DLGAP2: variants seen among roughly 807,000 people sequenced by gnomAD.
DLGAP2 encodes disks large-associated protein 2.
In DLGAP2, 26 loss-of-function variants were observed where a neutral mutation model predicts 100.3. That is an observed-to-expected ratio of 0.26 (90% confidence interval 0.19 to 0.36). The LOEUF (loss-of-function observed/expected upper bound fraction) is 0.36, where lower values mean the gene tolerates loss of function less well. DLGAP2 is among the 10% of genes least tolerant of loss of function. The pLI, the probability that DLGAP2 is intolerant of heterozygous loss-of-function variation, is 1.00. For synonymous variants in DLGAP2, 886 were observed against 630.1 expected (o/e 1.41, Z -6.08); for missense variants, 1,858 against 1,453.2 (o/e 1.28, Z -4.53).
At chr8:798,844 C>G (rs1287832704) in intron 1 of DLGAP2, among the ~76,000 whole-genome samples, 1 of 150,634 alleles carries the variant, frequency 6.6e-6, no homozygotes, top group African/African-American at 2.4e-5. Context: ...AAAGCAAACG[C>G]TTGTTGAGTC....
chr8:1,169,931 T>C (rs1024320139), intron 2 of DLGAP2, among the ~76,000 whole-genome samples: 21 of 151,572 alleles, frequency 1.4e-4, no homozygotes, highest in African/African-American at 4.1e-4. Context: ...TGAATAGGAG[T>C]GGTGAGAGAG....
At chr8:1,167,091 G>T (rs1317110257) in intron 2 of DLGAP2, among the ~76,000 whole-genome samples, 1 of 152,040 alleles carries the variant, frequency 6.6e-6, no homozygotes, top group Non-Finnish European at 1.5e-5. Flanking sequence ...AGCTGTGATT[G>T]TATCACTGTA....
At chr8:961,901 C>T (rs896092267) in intron 2 of DLGAP2, among the ~76,000 whole-genome samples, 1 of 152,192 alleles carries the variant, frequency 6.6e-6, no homozygotes, top group Non-Finnish European at 1.5e-5. Flanking sequence ...ACCTTTTGAT[C>T]ACCATGTGGA....
At chr8:1,364,067 C>T (rs1030994236) in intron 3 of DLGAP2, among the ~76,000 whole-genome samples, 6 of 152,318 alleles carry the variant, frequency 3.9e-5, no homozygotes, top group Non-Finnish European at 5.9e-5. Context: ...TCACTCCTGC[C>T]GCCTTCAGGT....
Position 1,207,761 on chromosome 8 carries a change from C to T in DLGAP2, c.74-51090C>T, listed in dbSNP as rs138255800. Reference sequence around the variant, plus strand: ...TATTTTTTAATTATGATCATTGTTGCAGGAGTGAGGTGGTGTCACACTGTG... The same window carrying T: ...TATTTTTTAATTATGATCATTGTTGTAGGAGTGAGGTGGTGTCACACTGTG... On this transcript the variant is annotated intron_variant, in intron 2 of 14. Transcript: ENST00000637795. Among the ~76,000 whole-genome samples, 62 of 152,278 alleles carry T rather than the reference C, an allele frequency of 4.1e-4. 1 individual carries two copies. The East Asian group carries it at 0.011, about 26-fold the overall frequency.
At chr8:1,232,927 A>G (rs1798567820) in intron 2 of DLGAP2, among the ~76,000 whole-genome samples, 1 of 152,126 alleles carries the variant, frequency 6.6e-6, no homozygotes, top group African/African-American at 2.4e-5. Flanking sequence ...AACCACTCCC[A>G]TTCTAGGCCC....
chr8:1,636,697 G>A lies in DLGAP2; in HGVS notation c.1810+3651G>A, dbSNP rs150050077. On this transcript the variant is annotated intron_variant, in intron 8 of 14. Transcript: ENST00000637795. Reference sequence around the variant, plus strand: ...GTGTGAGCCTGGGGAAATTTTCATCGTGGACTAAACTTGTTGCCTCAACCT... The same window carrying A: ...GTGTGAGCCTGGGGAAATTTTCATCATGGACTAAACTTGTTGCCTCAACCT... 7.2e-5 allele frequency among the ~76,000 whole-genome samples: 11 copies of A among 152,292 alleles called. No homozygotes were observed. In the East Asian group the frequency reaches 1.7e-3, roughly 24 times the overall value.
At chr8:1,483,467 G>T (rs1284848772) in intron 3 of DLGAP2, among the ~76,000 whole-genome samples, 1 of 147,728 alleles carries the variant, frequency 6.8e-6, no homozygotes, top group Admixed American at 6.6e-5. Flanking sequence ...GGACCTGAGG[G>T]CGTCTCCACA....
At chr8:799,664 A>G (rs1238392672) in intron 1 of DLGAP2, among the ~76,000 whole-genome samples, 1 of 152,162 alleles carries the variant, frequency 6.6e-6, no homozygotes, top group Non-Finnish European at 1.5e-5. Flanking sequence ...TGGTGCAAAC[A>G]CAGCTCACTG....
At chr8:1,078,900 A>T (rs1289620345) in intron 2 of DLGAP2, among the ~76,000 whole-genome samples, 1 of 152,206 alleles carries the variant, frequency 6.6e-6, no homozygotes, top group African/African-American at 2.4e-5. Context: ...GATGTTTTCA[A>T]CTCATCCAGG....
chr8:1,365,892 G>T (rs78915991), intron 3 of DLGAP2, among the ~76,000 whole-genome samples: 2 of 152,198 alleles, frequency 1.3e-5, no homozygotes, highest in Non-Finnish European at 2.9e-5. Context: ...ATAAACATCT[G>T]CCCAGGAGGA....
intron 6 of DLGAP2, among the ~76,000 whole-genome samples, chr8:1,589,804 T>C (rs1016572532): frequency 6.6e-6 from 1 of 152,176 alleles, no homozygotes; most frequent in Non-Finnish European, 1.5e-5. Flanking sequence ...TCCCTTGCCT[T>C]GATGGAGGGT....
intron 2 of DLGAP2, among the ~76,000 whole-genome samples, chr8:1,206,316 G>C (rs1242449914): frequency 7.4e-6 from 1 of 134,388 alleles, no homozygotes; most frequent in African/African-American, 2.9e-5. Flanking sequence ...CCAGGCATCC[G>C]TGGACTGGGG....
At chr8:1,171,848 C>G (rs1466100679) in intron 2 of DLGAP2, among the ~76,000 whole-genome samples, 1 of 152,138 alleles carries the variant, frequency 6.6e-6, no homozygotes, top group African/African-American at 2.4e-5. Flanking sequence ...ATTTGCCAGT[C>G]TGTGTCTTTT....
At chr8:1,191,428 C>T (rs976752422) in intron 2 of DLGAP2, among the ~76,000 whole-genome samples, 6 of 152,160 alleles carry the variant, frequency 3.9e-5, no homozygotes, top group African/African-American at 1.2e-4. Context: ...CCTCAGCCTC[C>T]CAAAGTGCGG....
chr8:1,110,313 G>C (rs1380538502), intron 2 of DLGAP2, among the ~76,000 whole-genome samples: 4 of 147,904 alleles, frequency 2.7e-5, no homozygotes, highest in Non-Finnish European at 6.0e-5. Flanking sequence ...ACATGTGCTG[G>C]GTCTGTGAGG....
At chr8:1,387,127 G>A (rs955679910) in intron 3 of DLGAP2, among the ~76,000 whole-genome samples, 5 of 152,164 alleles carry the variant, frequency 3.3e-5, no homozygotes, top group South Asian at 4.1e-4. Context: ...CAGCAGAGCC[G>A]TCGTGATCAT....
At chr8:1,322,391 A>G (rs1266422110) in intron 3 of DLGAP2, among the ~76,000 whole-genome samples, 1 of 152,266 alleles carries the variant, frequency 6.6e-6, no homozygotes, top group East Asian at 1.9e-4. Context: ...ATGTCCATGG[A>G]AATGCATGTA....
At chr8:1,357,981 C>T (rs1220232726) in intron 3 of DLGAP2, among the ~76,000 whole-genome samples, 2 of 152,174 alleles carry the variant, frequency 1.3e-5, no homozygotes, top group East Asian at 3.9e-4. Context: ...ACCCAATCGA[C>T]TTAGAGAGCT....
Sources: allele counts gnomAD v4.1 joint callset (sites outside exome capture counted in the v4.1 genomes callset), GRCh38; gene constraint gnomAD v4.1.1; transcripts MANE v1.5; gene names NCBI Gene and HGNC (gene_info 2026-07-23, HGNC 2026-07-21).